INPP5A: variants seen among roughly 807,000 people sequenced by gnomAD.
The protein encoded by INPP5A is 43 kDa inositol polyphosphate 5-phophatase.
In INPP5A, 14 loss-of-function variants were observed where a neutral mutation model predicts 65.2. The ratio of observed to expected loss-of-function variants is 0.21; its 90% CI spans 0.14 to 0.34. The LOEUF (loss-of-function observed/expected upper bound fraction) is 0.34. Ranked by LOEUF, INPP5A falls within the 10% of genes least tolerant of loss-of-function variation. INPP5A has a pLI of 1.00. For missense variants in INPP5A, 431 were observed against 545.6 expected (o/e 0.79, Z 2.09); for synonymous variants, 207 against 208.3 (o/e 0.99, Z 0.05).
At chr10:132,589,770 G>A (rs750373844) in intron 1 of INPP5A, among the ~76,000 whole-genome samples, 7 of 152,218 alleles carry the variant, frequency 4.6e-5, no homozygotes, top group African/African-American at 9.6e-5. Context: ...AGGTGGCCTC[G>A]GACTCCAAGA....
chr10:132,719,022 C>T lies in INPP5A; in HGVS notation c.648-7799C>T, dbSNP rs1329305813. 6.0e-5 allele frequency among the ~76,000 whole-genome samples: 7 copies of T among 115,754 alleles called. 1 individual carries two copies. The highest frequency in any genetic ancestry group is 1.1e-4 in the Non-Finnish European group (6 of 56,530). 75.9% of individuals were successfully genotyped at this position (115,754 alleles called of 152,430 possible). A position where few individuals can be genotyped will look rare whatever the true frequency, so the allele number is the denominator to read the frequency against. ...CTGGGCGCCTTAGACGACTGTCTTG[C>T]GGGTTCTGTGGTACCTGGGTTCTGT... is the stretch of plus-strand genomic sequence containing the variant. On this transcript the variant is annotated intron_variant, in intron 8 of 15. Transcript: ENST00000368594.
chr10:132,576,061 C>T (rs1360511769), intron 1 of INPP5A, among the ~76,000 whole-genome samples: 1 of 152,186 alleles, frequency 6.6e-6, no homozygotes, highest in African/African-American at 2.4e-5. Flanking sequence ...GCTGTAGCTC[C>T]TTGGTGACCA....
intron 1 of INPP5A, among the ~76,000 whole-genome samples, chr10:132,563,891 T>G (rs1462598808): frequency 6.6e-6 from 1 of 152,144 alleles, no homozygotes; most frequent in Non-Finnish European, 1.5e-5. Flanking sequence ...CCATGGTGGC[T>G]CATGTCCACT....
intron 1 of INPP5A, among the ~76,000 whole-genome samples, chr10:132,591,224 C>G (rs886461712): frequency 1.3e-5 from 2 of 152,090 alleles, no homozygotes; most frequent in Admixed American, 1.3e-4. Flanking sequence ...TGACATTTGT[C>G]TTTTGATTTT....
chr10:132,625,656 C>T (rs983803087), intron 2 of INPP5A, among the ~76,000 whole-genome samples: 1 of 152,164 alleles, frequency 6.6e-6, no homozygotes, highest in Non-Finnish European at 1.5e-5. Flanking sequence ...CTGGCCAGTC[C>T]TGAGGCTTCC....
At chr10:132,717,734 A>G (rs1249587230) in intron 8 of INPP5A, among the ~76,000 whole-genome samples, 254 of 91,362 alleles carry the variant, frequency 2.8e-3, no homozygotes, top group Middle Eastern at 0.017. Context: ...CGCCTTAGAC[A>G]GCTGTCTTCA....
intron 1 of INPP5A, among the ~76,000 whole-genome samples, chr10:132,601,185 C>T (rs534073593): frequency 3.5e-4 from 53 of 152,312 alleles, no homozygotes; most frequent in African/African-American, 1.0e-3. Flanking sequence ...TAATATCCAT[C>T]GTATCCATCC....
At chr10:132,602,308 AT>A (rs2071786048) in intron 1 of INPP5A, among the ~76,000 whole-genome samples, 3 of 152,016 alleles carry the variant, frequency 2.0e-5, no homozygotes, top group South Asian at 4.2e-4. Context: ...GAATTGCTGA[AT>A]TTTTGTGACG....
chr10:132,708,551 A>T, intron 7 of INPP5A, 186 bp downstream of exon 7: 2 of 746,258 alleles, frequency 2.7e-6, no homozygotes, highest in African/African-American at 1.7e-5. Context: ...GAGCATTGTC[A>T]CTGTTCCCTG....
At position 132,712,603 on chromosome 10, in the gene INPP5A, G is replaced by GGTGTGTGGGTGCATGT. The variant is rs1845662774; in HGVS notation, c.647+2158_647+2173dup. Among the ~76,000 whole-genome samples the GGTGTGTGGGTGCATGT allele has an allele frequency of 8.1e-5, 12 of 148,090 alleles. No homozygotes were observed. In the South Asian group the frequency reaches 1.9e-3, roughly 24 times the overall value. On this transcript the variant is annotated intron_variant, in intron 8 of 15. Coordinates refer to ENST00000368594, the MANE Select transcript of INPP5A (RefSeq NM_005539.5). ...GTGAGTGCGGGTGTATGTGTGCGCG[G>GGTGTGTGGGTGCATGT]GTGTGTGGGTGCATGTGTGTGTGGG...
intron 1 of INPP5A, among the ~76,000 whole-genome samples, chr10:132,557,255 G>A (rs1032837962): frequency 1.3e-5 from 2 of 152,222 alleles, no homozygotes; most frequent in Non-Finnish European, 2.9e-5. Context: ...CTCGCCCGGG[G>A]CCACTGTGAC....
Position 132,651,226 on chromosome 10 carries a change from C to T in INPP5A, c.306+721C>T, listed in dbSNP as rs945483036. Among the ~76,000 whole-genome samples the T allele has an allele frequency of 2.0e-5, 3 of 152,056 alleles. No individual in the cohort carries two copies. The highest frequency in any genetic ancestry group is 4.4e-5 in the Non-Finnish European group (3 of 67,976). On this transcript the variant is annotated intron_variant, in intron 4 of 15. Transcript: ENST00000368594. This position sits in a 1 kb window ranked among gnomAD's most constrained non-coding sequence, Gnocchi z 5.0. The stretch of plus-strand genomic sequence containing the variant: ...AAATCCCGTCTTTATGCCCTGGGTC[C>T]CCCGGCCTGGATCCATCTCCCCCGT...
At chr10:132,734,940 G>T (rs1230460303) in intron 9 of INPP5A, among the ~76,000 whole-genome samples, 2 of 152,216 alleles carry the variant, frequency 1.3e-5, no homozygotes, top group Non-Finnish European at 2.9e-5. Context: ...CCTTCCTCTT[G>T]GCAGAGCAGC....
At chr10:132,664,207 T>G (rs1053846583) in intron 4 of INPP5A, among the ~76,000 whole-genome samples, 48 of 152,366 alleles carry the variant, frequency 3.2e-4, no homozygotes, top group African/African-American at 1.1e-3. Flanking sequence ...TGGCTTTCTT[T>G]CCTGTGCAAA....
intron 2 of INPP5A, among the ~76,000 whole-genome samples, chr10:132,614,120 G>C (rs2071997706): frequency 6.6e-6 from 1 of 152,170 alleles, no homozygotes; most frequent in Non-Finnish European, 1.5e-5. Context: ...ATTAGGTCCA[G>C]AACTCAGCCT....
intron 9 of INPP5A, among the ~76,000 whole-genome samples, chr10:132,739,186 A>T (rs561655314): frequency 6.6e-6 from 1 of 152,336 alleles, no homozygotes; most frequent in African/African-American, 2.4e-5. Context: ...TCTGGTCCTA[A>T]AAAGCTAGGA....
chr10:132,731,265 G>A lies in INPP5A; in HGVS notation c.732+4360G>A, dbSNP rs753632. ...CCCGCATATCAGGCACCCCTCCTGC[G>A]TATCAGGTGTCCCTCCTGCGCATCA... On this transcript the variant is annotated intron_variant, in intron 9 of 15. Transcript: ENST00000368594. Among the ~76,000 whole-genome samples, 533 of 151,386 alleles carry A rather than the reference G, an allele frequency of 3.5e-3. 3 individuals are homozygous for A. The highest frequency in any genetic ancestry group is 0.012 in the African/African-American group (511 of 41,206).
chr10:132,635,386 A>AATTTT (rs2072331987), intron 2 of INPP5A, among the ~76,000 whole-genome samples: 1 of 54,498 alleles, frequency 1.8e-5, no homozygotes, highest in African/African-American at 8.0e-5. Flanking sequence ...CTTTTTAAAG[A>AATTTT]TTTTTTTTTT....
chr10:132,775,453 A>G (rs1040633453), intron 12 of INPP5A, among the ~76,000 whole-genome samples: 1 of 151,940 alleles, frequency 6.6e-6, no homozygotes, highest in African/African-American at 2.4e-5. Context: ...CCCCGCCAGC[A>G]CCTCCCACCT....
Sources: allele counts gnomAD v4.1 joint callset (sites outside exome capture counted in the v4.1 genomes callset), GRCh38; gene constraint gnomAD v4.1.1; non-coding constraint Gnocchi (gnomAD v3.1); transcripts MANE v1.5; gene names NCBI Gene and HGNC (gene_info 2026-07-23, HGNC 2026-07-21).